The following HORMAD2 variants were observed in gnomAD, a reference collection of about 807,000 sequenced individuals.
HORMAD2 encodes HORMA domain-containing protein 2.
Under a neutral mutation model 38.8 loss-of-function variants are expected in HORMAD2, and 45 were observed. That is an observed-to-expected ratio of 1.16 (90% CI 0.91 to 1.49). The LOEUF is 1.49. Ranked by LOEUF, HORMAD2 falls within the 40% of genes most tolerant of loss-of-function variation. The pLI is 0.00. For synonymous variants in HORMAD2, 126 were observed against 122.8 expected (o/e 1.03, Z -0.17); for missense variants, 338 against 367.0 (o/e 0.92, Z 0.65).
chr22:30,183,379 C>T, the HORMAD2 span, among the ~76,000 whole-genome samples: 1 of 152,208 alleles, frequency 6.6e-6, no homozygotes, highest in African/African-American at 2.4e-5. Flanking sequence ...GGCCCAGGCA[C>T]CAACTCCTCT....
rs1491190235 is a variant in HORMAD2, at chr22:30,088,124, C to CATACACAT, written c.-37-5792_-37-5791insATACACAT. Among the ~76,000 whole-genome samples, 1,068 of 144,708 alleles carry CATACACAT rather than the reference C, an allele frequency of 7.4e-3. 19 individuals carry two copies. Among genetic ancestry groups the CATACACAT allele is most frequent in the African/African-American group, 0.028 (1,008 of 35,910 alleles). The allele number at this position is 144,708 out of a possible 152,430, so 94.9% of individuals were successfully genotyped here. A position where few individuals can be genotyped will look rare whatever the true frequency, so the allele number is the denominator to read the frequency against. ...GTACACACGTGTACATATACACACA[C>CATACACAT]GTACACATGTGTACATATACACATA... On this transcript the variant is annotated intron_variant, in intron 1 of 10. Transcript: ENST00000336726.
chr22:30,161,320 A>G (rs1925427898), intron 10 of HORMAD2, among the ~76,000 whole-genome samples: 1 of 152,186 alleles, frequency 6.6e-6, no homozygotes, highest in Non-Finnish European at 1.5e-5. Context: ...GCACTTATAG[A>G]GGCTCATGTT....
chr22:30,147,944 T>A (rs569555825), intron 10 of HORMAD2, among the ~76,000 whole-genome samples: 12 of 152,306 alleles, frequency 7.9e-5, no homozygotes, highest in Admixed American at 2.6e-4. Context: ...ATCAAATTCC[T>A]ATAAACATAT....
intron 10 of HORMAD2, among the ~76,000 whole-genome samples, chr22:30,129,217 CAAAAAAAAAAAAAAAAAAA>C (rs750796623): frequency 8.4e-4 from 19 of 22,642 alleles, no homozygotes; most frequent in East Asian, 4.0e-3. Context: ...GACTCTATCT[CAAAAAAAAAAAAAAAAAAA>C]AAAAAAAAAA....
chr22:30,078,255 CACTT>C (rs200552332), upstream of HORMAD2, among the ~76,000 whole-genome samples: 8 of 152,278 alleles, frequency 5.3e-5, no homozygotes, highest in South Asian at 6.2e-4. Context: ...CCTCTGATGA[CACTT>C]ACTTACTTAT....
intron 10 of HORMAD2, among the ~76,000 whole-genome samples, chr22:30,124,092 A>G (rs1922660515): frequency 6.6e-6 from 1 of 152,082 alleles, no homozygotes; most frequent in Non-Finnish European, 1.5e-5. Flanking sequence ...GCATACATTT[A>G]GTTGAAACTA....
chr22:30,127,245 G>A (rs1922945595), intron 10 of HORMAD2, among the ~76,000 whole-genome samples: 1 of 114,790 alleles, frequency 8.7e-6, no homozygotes, highest in East Asian at 2.8e-4. Flanking sequence ...GTCTCGCTCT[G>A]TCGCCCAGGC....
At chr22:30,150,121 T>C (rs1213860902) in intron 10 of HORMAD2, among the ~76,000 whole-genome samples, 4 of 152,186 alleles carry the variant, frequency 2.6e-5, no homozygotes, top group Non-Finnish European at 5.9e-5. Flanking sequence ...ATGAAAATTA[T>C]GTACCATCAG....
chr22:30,198,462 C>A, the HORMAD2 span, among the ~76,000 whole-genome samples: 20 of 152,100 alleles, frequency 1.3e-4, no homozygotes, highest in African/African-American at 2.4e-5. Flanking sequence ...GTGTCTCCCC[C>A]AGAGGTTCGG....
intron 4 of HORMAD2, 149 bp downstream of exon 4, chr22:30,103,649 A>ATTTTTTTTTTTTTGTT: frequency 1.5e-5 from 1 of 68,232 alleles, no homozygotes; most frequent in Non-Finnish European, 2.3e-5. Context: ...TCTGTTTTTG[A>ATTTTTTTTTTTTTGTT]TTTTTTTTTT....
intron 2 of HORMAD2, among the ~76,000 whole-genome samples, chr22:30,097,580 GTAGATGAA>G (rs1479896611): frequency 6.6e-6 from 1 of 152,178 alleles, no homozygotes; most frequent in Non-Finnish European, 1.5e-5. Flanking sequence ...CAGTAGAATA[GTAGATGAA>G]TAGCCACAAT....
intron 8 of HORMAD2, 43 bp from the exon 9 acceptor site, chr22:30,121,589 A>G (rs371324321): frequency 6.2e-6 from 9 of 1,452,404 alleles, no homozygotes; most frequent in South Asian, 1.5e-5. Flanking sequence ...ATAGATTGCC[A>G]CTATTGTATA....
chr22:30,146,968 G>C (rs1924457570), intron 10 of HORMAD2, among the ~76,000 whole-genome samples: 1 of 152,000 alleles, frequency 6.6e-6, no homozygotes, highest in Non-Finnish European at 1.5e-5. Flanking sequence ...GAAATACTTA[G>C]GGCTAAATTA....
chr22:30,199,816 C>A, the HORMAD2 span, among the ~76,000 whole-genome samples: 1 of 150,982 alleles, frequency 6.6e-6, no homozygotes, highest in Non-Finnish European at 1.5e-5. Flanking sequence ...GTGATGATGA[C>A]GAGTCAAGGA....
intron 10 of HORMAD2, among the ~76,000 whole-genome samples, chr22:30,144,663 G>C (rs542042114): frequency 6.6e-6 from 1 of 151,808 alleles, no homozygotes; most frequent in African/African-American, 2.4e-5. Flanking sequence ...TTCTCAGCTT[G>C]CCTCTCCCAG....
At position 30,125,226 on chromosome 22, in the gene HORMAD2, T is replaced by C. The variant is rs1324671084; in HGVS notation, c.819+3012T>C. On this transcript the variant is annotated intron_variant, in intron 10 of 10. Transcript: ENST00000336726. ...CTTTCTTTTTCTTTTCTTTTTTTTT[T>C]TTTTTTTTTTTTTTTTGAGACAGAG... is the stretch of plus-strand genomic sequence containing the variant. Among the ~76,000 whole-genome samples, 274 of 78,368 alleles carry C rather than the reference T, an allele frequency of 3.5e-3. 6 individuals are homozygous for C. The highest frequency in any genetic ancestry group is 0.019 in the African/African-American group (256 of 13,592). 51.4% of individuals were successfully genotyped at this position (78,368 alleles called of 152,430 possible).
chr22:30,092,414 T>C (rs900509464), intron 1 of HORMAD2, among the ~76,000 whole-genome samples: 2 of 151,848 alleles, frequency 1.3e-5, no homozygotes, highest in Admixed American at 6.6e-5. Context: ...AATTCTTTCT[T>C]GGATGAATAG....
the HORMAD2 span, among the ~76,000 whole-genome samples, chr22:30,188,030 A>G: frequency 6.6e-6 from 1 of 152,084 alleles, no homozygotes; most frequent in Non-Finnish European, 1.5e-5. Context: ...TCTTTCTTTG[A>G]TAGGTGTTGC....
chr22:30,123,900 G>A (rs111343269), intron 10 of HORMAD2, among the ~76,000 whole-genome samples: 1,553 of 151,626 alleles, frequency 0.01, 27 homozygotes, highest in African/African-American at 0.035. Flanking sequence ...GAACTCCTGG[G>A]CTCCAGTGAT....
Sources: gnomAD v4.1 joint callset for allele counts (sites outside exome capture counted in the v4.1 genomes callset) on GRCh38, gnomAD v4.1.1 for gene constraint, MANE v1.5 for transcripts, NCBI Gene and HGNC (gene_info 2026-07-23, HGNC 2026-07-21) for gene names.